Variants in MAPKAPK5 observed in about 807,000 individuals in gnomAD.
The protein encoded by MAPKAPK5 is MAPK activated protein kinase 5.
MAPKAPK5 carries 30 observed loss-of-function variants against 65.1 expected under a neutral mutation model. The ratio of observed to expected loss-of-function variants is 0.46; its 90% CI spans 0.34 to 0.63. MAPKAPK5 has a LOEUF of 0.63. MAPKAPK5 is among the 20% of genes least tolerant of loss of function. The probability of loss-of-function intolerance (pLI) is 0.01; values close to 1 mark genes in which losing one functional copy is unlikely to be tolerated. For synonymous variants in MAPKAPK5, 179 were observed against 204.6 expected (o/e 0.87, Z 1.07); for missense variants, 433 against 581.4 (o/e 0.74, Z 2.63).
chr12:111,888,717 T>C (rs541543350), intron 11 of MAPKAPK5, 99 bp downstream of exon 11: 1 of 1,553,886 alleles, frequency 6.4e-7, no homozygotes, highest in African/African-American at 1.4e-5. Context: ...TAGGGGTCTT[T>C]AGCCTCTGAA....
At chr12:111,855,753 G>A (rs2069214064) in intron 1 of MAPKAPK5, among the ~76,000 whole-genome samples, 2 of 151,864 alleles carry the variant, frequency 1.3e-5, no homozygotes, top group South Asian at 4.2e-4. Flanking sequence ...CTTGAACCTG[G>A]GAGGCAGAGA....
intron 1 of MAPKAPK5, among the ~76,000 whole-genome samples, chr12:111,863,103 A>G (rs1259888221): frequency 6.6e-6 from 1 of 152,106 alleles, no homozygotes; most frequent in Non-Finnish European, 1.5e-5. Context: ...AGTTACCCTT[A>G]ATAGATGGAA....
Position 111,901,441 on chromosome 12 carries a change from G to T in MAPKAPK5, c.*8380G>T. ...GAAAATCACAATATGACTCATTCCA[G>T]ACGTGAAGAACATGCTGTAGACATG... On this transcript the variant is annotated 3_prime_UTR_variant, in exon 14 of 14. Coordinates refer to ENST00000550735, the MANE Select transcript of MAPKAPK5 (RefSeq NM_003668.4). 3 of 455,994 alleles carry T rather than the reference G, an allele frequency of 6.6e-6. No homozygotes were observed. The highest frequency in any genetic ancestry group is 1.3e-5 in the Non-Finnish European group (3 of 226,772). 28.2% of individuals were successfully genotyped at this position (455,994 alleles called of 1,614,324 possible). A position where few individuals can be genotyped will look rare whatever the true frequency, so the allele number is the denominator to read the frequency against.
chr12:111,857,244 CT>C (rs1347172253), intron 1 of MAPKAPK5, among the ~76,000 whole-genome samples: 209 of 140,252 alleles, frequency 1.5e-3, no homozygotes, highest in Middle Eastern at 7.4e-3. Context: ...TTTCTTTTTT[CT>C]TTTTTTTTTT....
intron 3 of MAPKAPK5, among the ~76,000 whole-genome samples, chr12:111,866,506 T>G (rs930681730): frequency 3.9e-5 from 6 of 152,208 alleles, no homozygotes; most frequent in Admixed American, 3.9e-4. Flanking sequence ...TCAGTTTTGC[T>G]TATTGAAGAA....
At chr12:111,888,701 C>T (rs2070496996) in intron 11 of MAPKAPK5, 83 bp downstream of exon 11, 2 of 1,574,446 alleles carry the variant, frequency 1.3e-6, no homozygotes, top group Admixed American at 1.8e-5. Flanking sequence ...ATTTAACTTG[C>T]TCAGCTAGGG....
At chr12:111,854,216 T>G (rs951899476) in intron 1 of MAPKAPK5, among the ~76,000 whole-genome samples, 2 of 151,844 alleles carry the variant, frequency 1.3e-5, no homozygotes, top group African/African-American at 4.8e-5. Context: ...ATAGTAAAGA[T>G]TTTCTTTTCT....
intron 1 of MAPKAPK5, among the ~76,000 whole-genome samples, chr12:111,856,985 G>A (rs550802348): frequency 6.6e-6 from 1 of 152,050 alleles, no homozygotes; most frequent in South Asian, 2.1e-4. Flanking sequence ...GCTTTTATGA[G>A]GATTATAATA....
rs1337461813 is a variant in MAPKAPK5 at position 111,899,820 on chromosome 12, C to T, written c.*6759C>T. 1 of 433,638 alleles carries T rather than the reference C, an allele frequency of 2.3e-6. No homozygotes were observed. Among genetic ancestry groups the T allele is most frequent in the South Asian group, 1.6e-5 (1 of 62,572 alleles). The allele number at this position is 433,638 out of a possible 1,614,324, so 26.9% of individuals were successfully genotyped here. A position where few individuals can be genotyped will look rare whatever the true frequency, so the allele number is the denominator to read the frequency against. ...TCTTACAGCATTGAGCCCATGGACT[C>T]TTCAAGACGGTTTGAACATGTGTTA... On this transcript the variant is annotated 3_prime_UTR_variant, in exon 14 of 14. Coordinates refer to ENST00000550735, the MANE Select transcript of MAPKAPK5 (RefSeq NM_003668.4).
At chr12:111,859,240 A>G (rs1177784837) in intron 1 of MAPKAPK5, among the ~76,000 whole-genome samples, 3 of 147,840 alleles carry the variant, frequency 2.0e-5, no homozygotes, top group Non-Finnish European at 3.0e-5. Context: ...ACCAGAATCT[A>G]TTTTTCCTTT....
intron 7 of MAPKAPK5, among the ~76,000 whole-genome samples, chr12:111,877,649 T>G (rs184576387): frequency 1.4e-3 from 220 of 152,308 alleles, no homozygotes; most frequent in Middle Eastern, 0.014. Context: ...TTACTGAATT[T>G]GAGAGTTCTT....
At chr12:111,868,052 A>C (rs970192155) in intron 4 of MAPKAPK5, among the ~76,000 whole-genome samples, 2 of 152,196 alleles carry the variant, frequency 1.3e-5, no homozygotes, top group African/African-American at 4.8e-5. Flanking sequence ...AAGGGGCCCA[A>C]ATATTATTCT....
chr12:111,885,703 A>C, intron 9 of MAPKAPK5: 1 of 527,120 alleles, frequency 1.9e-6, no homozygotes, highest in Non-Finnish European at 3.3e-6. Flanking sequence ...TACCATTTTA[A>C]TCTCACTTTT....
chr12:111,863,321 C>A (rs2069503547), intron 1 of MAPKAPK5, among the ~76,000 whole-genome samples: 1 of 152,150 alleles, frequency 6.6e-6, no homozygotes, highest in African/African-American at 2.4e-5. Context: ...GGGATTAATT[C>A]CTTTCTAGTC....
At position 111,899,027 on chromosome 12, in the gene MAPKAPK5, T is replaced by G. The variant is rs1304608272; in HGVS notation, c.*5966T>G. 6.6e-6 allele frequency: 1 copy of G among 152,176 alleles called. No individual in the cohort carries two copies. 9.4% of individuals were successfully genotyped at this position (152,176 alleles called of 1,614,324 possible). ...TAAAAGGAATATAACTAAGGAAGAT[T>G]AAAGTTGTTGCTGTTGGAAGGAAGA... On this transcript the variant is annotated 3_prime_UTR_variant, in exon 14 of 14. Coordinates refer to ENST00000550735, the MANE Select transcript of MAPKAPK5 (RefSeq NM_003668.4).
intron 1 of MAPKAPK5, among the ~76,000 whole-genome samples, chr12:111,844,357 A>AT (rs1276188887): frequency 6.7e-6 from 1 of 148,490 alleles, no homozygotes; most frequent in Non-Finnish European, 1.5e-5. Context: ...CACCCAGCTA[A>AT]TTTTTTTGTA....
intron 1 of MAPKAPK5, among the ~76,000 whole-genome samples, chr12:111,852,784 T>C (rs1251758713): frequency 6.6e-6 from 1 of 152,030 alleles, no homozygotes; most frequent in East Asian, 1.9e-4. Flanking sequence ...AATTTATTCT[T>C]TTTTTTTGAG....
intron 8 of MAPKAPK5, 62 bp downstream of exon 8, chr12:111,880,589 T>C: frequency 1.4e-6 from 2 of 1,473,054 alleles, no homozygotes; most frequent in Non-Finnish European, 1.9e-6. Flanking sequence ...AGTGAGGTGT[T>C]TGTGGCCCTC....
chr12:111,874,223 C>G (rs1022511205), intron 7 of MAPKAPK5, among the ~76,000 whole-genome samples: 5 of 151,660 alleles, frequency 3.3e-5, no homozygotes, highest in African/African-American at 7.3e-5. Flanking sequence ...GGTGAAACCC[C>G]ATCTTTACTA....
Sources: gnomAD v4.1 joint callset for allele counts (sites outside exome capture counted in the v4.1 genomes callset) on GRCh38, gnomAD v4.1.1 for gene constraint, MANE v1.5 for transcripts, NCBI Gene and HGNC (gene_info 2026-07-23, HGNC 2026-07-21) for gene names.